The following FBXW11 variants were observed in gnomAD, a reference collection of about 807,000 sequenced individuals.
FBXW11 encodes F-box/WD repeat-containing protein 11.
In FBXW11, 19 loss-of-function variants were observed where a neutral mutation model predicts 77.6. That is an observed-to-expected ratio of 0.24 (90% CI 0.17 to 0.36). FBXW11 has a LOEUF of 0.36. Among genes scored for constraint, FBXW11 ranks in the 10% least tolerant of loss-of-function variants. The probability of loss-of-function intolerance (pLI) is 1.00; values close to 1 mark genes in which losing one functional copy is unlikely to be tolerated. For missense variants in FBXW11, 334 were observed against 704.2 expected, an observed-to-expected ratio of 0.47 and a Z score of 5.95; for synonymous variants, 235 against 249.4, an observed-to-expected ratio of 0.94 and a Z score of 0.54.
At chr5:171,969,705 TTTG>T (rs144231228) in intron 1 of FBXW11, among the ~76,000 whole-genome samples, 3,678 of 152,284 alleles carry the variant, frequency 0.024, 82 homozygotes, top group African/African-American at 0.058. Flanking sequence ...AGCAGCTTTT[TTTG>T]TTTTTGTTTT....
rs150238940 is a variant in FBXW11, at chr5:171,890,629, G to A, written c.852+838C>T. On this transcript the variant is annotated intron_variant, in intron 7 of 13. Transcript: ENST00000517395. ...AGTAACCCCACTCCTCAGTTTTCACGCAATGAACTAAAAATTTATGTTCCC... is the reference window on the plus strand; with the variant it reads ...AGTAACCCCACTCCTCAGTTTTCACACAATGAACTAAAAATTTATGTTCCC... Among the ~76,000 whole-genome samples, 525 of 152,100 alleles carry A rather than the reference G, an allele frequency of 3.5e-3. 1 individual carries two copies. The highest frequency in any genetic ancestry group is 3.3e-3 in the Non-Finnish European group (226 of 67,990).
At chr5:171,925,618 C>A (rs142208843) in intron 2 of FBXW11, among the ~76,000 whole-genome samples, 45 of 152,282 alleles carry the variant, frequency 3.0e-4, no homozygotes, top group African/African-American at 8.9e-4. Flanking sequence ...GTAGCTGGGA[C>A]CACAGGTGCA....
At chr5:171,957,735 G>A (rs1445138720) in intron 1 of FBXW11, 37 bp from the exon 2 acceptor site, 1 of 1,558,994 alleles carries the variant, frequency 6.4e-7, no homozygotes, top group Non-Finnish European at 8.8e-7. Context: ...AGAAGAAGCA[G>A]TTAGAGGCCG....
intron 1 of FBXW11, among the ~76,000 whole-genome samples, chr5:172,006,226 G>A (rs1399565744): frequency 2.0e-5 from 3 of 152,230 alleles, no homozygotes; most frequent in African/African-American, 7.2e-5. Flanking sequence ...ACGGGACCAG[G>A]GGGAGGGGGA....
chr5:171,973,045 A>C (rs1028349059), intron 1 of FBXW11, among the ~76,000 whole-genome samples: 3 of 152,226 alleles, frequency 2.0e-5, no homozygotes, highest in Non-Finnish European at 4.4e-5. Flanking sequence ...ACTTGGAAAG[A>C]ATACAGAATA....
At chr5:171,964,237 A>G (rs780045109) in intron 1 of FBXW11, among the ~76,000 whole-genome samples, 2 of 152,206 alleles carry the variant, frequency 1.3e-5, no homozygotes, top group Non-Finnish European at 2.9e-5. Context: ...TTCTCCCCCC[A>G]CAAAACTTCC....
rs145762677 is a variant in FBXW11 at position 171,993,256 on chromosome 5, TG to T, written c.45+13201del. Among the ~76,000 whole-genome samples, 1,120 of 152,218 alleles carry T rather than the reference TG, an allele frequency of 7.4e-3. 21 individuals are homozygous for T. Among genetic ancestry groups the T allele is most frequent in the African/African-American group, 0.026 (1,080 of 41,514 alleles). On this transcript the variant is annotated intron_variant, in intron 1 of 13. Transcript: ENST00000517395. ...TTTGGCTTGAGTCTTCAGGTCTCTC[TG>T]ACTTGTTTGAAAAAATTAAACTAGC...
chr5:171,901,933 A>G (rs1760144437), intron 4 of FBXW11, among the ~76,000 whole-genome samples: 2 of 152,352 alleles, frequency 1.3e-5, no homozygotes, highest in South Asian at 4.1e-4. Flanking sequence ...TAAGGCAAAC[A>G]TGTTAAACCA....
At chr5:171,953,089 C>A (rs1763430350) in intron 2 of FBXW11, among the ~76,000 whole-genome samples, 1 of 152,154 alleles carries the variant, frequency 6.6e-6, no homozygotes, top group African/African-American at 2.4e-5. Context: ...CCAACCTCAG[C>A]TCCCAGAGTA....
intron 2 of FBXW11, among the ~76,000 whole-genome samples, chr5:171,923,455 A>G (rs756267348): frequency 6.6e-6 from 1 of 152,182 alleles, no homozygotes; most frequent in Non-Finnish European, 1.5e-5. Context: ...CTTGCTCAAG[A>G]AATCTTTTTT....
chr5:171,881,021 A>G (rs1396942361), intron 7 of FBXW11, among the ~76,000 whole-genome samples: 1 of 152,202 alleles, frequency 6.6e-6, no homozygotes, highest in Admixed American at 6.5e-5. Context: ...TTAATTTCAC[A>G]TTCCACTTGT....
intron 1 of FBXW11, among the ~76,000 whole-genome samples, chr5:172,002,696 C>CTTTTTTT (rs34300477): frequency 3.3e-3 from 324 of 97,042 alleles, no homozygotes; most frequent in Middle Eastern, 8.1e-3. Flanking sequence ...TTTTTCTTTT[C>CTTTTTTT]TTTTTTTTTT....
chr5:171,912,784 C>A (rs1439161535), intron 3 of FBXW11, among the ~76,000 whole-genome samples: 2 of 151,954 alleles, frequency 1.3e-5, no homozygotes, highest in Non-Finnish European at 2.9e-5. Context: ...GTGGTGGGCG[C>A]CTGTAATCCC....
chr5:171,912,357 A>G (rs1760934466), intron 3 of FBXW11, among the ~76,000 whole-genome samples: 2 of 152,200 alleles, frequency 1.3e-5, no homozygotes, highest in African/African-American at 4.8e-5. Context: ...AGGATTTTGA[A>G]ATTTTGCTTT....
intron 2 of FBXW11, among the ~76,000 whole-genome samples, chr5:171,920,985 A>T (rs778526407): frequency 1.3e-5 from 2 of 152,214 alleles, no homozygotes; most frequent in Non-Finnish European, 2.9e-5. Context: ...ACAAACAAAA[A>T]AATCCCACAA....
chr5:171,934,662 G>C (rs1465080279), intron 2 of FBXW11, among the ~76,000 whole-genome samples: 6 of 145,900 alleles, frequency 4.1e-5, no homozygotes, highest in Non-Finnish European at 7.5e-5. Context: ...GGGTGACAGA[G>C]TGTGACCCTG....
chr5:171,944,717 G>A (rs1300382725), intron 2 of FBXW11, among the ~76,000 whole-genome samples: 1 of 151,154 alleles, frequency 6.6e-6, no homozygotes, highest in Non-Finnish European at 1.5e-5. Context: ...ACAATCAAAA[G>A]AGAACTTTTT....
chr5:171,910,835 G>T, intron 3 of FBXW11, 38 bp from the exon 4 acceptor site: 1 of 1,355,106 alleles, frequency 7.4e-7, no homozygotes, highest in Non-Finnish European at 1.0e-6. Context: ...AGTTTAACAA[G>T]GAAAGAAACC....
At chr5:171,930,762 T>TAAAAAAAAAAA (rs59700625) in intron 2 of FBXW11, among the ~76,000 whole-genome samples, 1 of 126,530 alleles carries the variant, frequency 7.9e-6, no homozygotes, top group Non-Finnish European at 1.7e-5. Context: ...AATAAAAAAA[T>TAAAAAAAAAAA]AAAAAAAAAA....
Sources: gnomAD v4.1 joint callset for allele counts (sites outside exome capture counted in the v4.1 genomes callset) on GRCh38, gnomAD v4.1.1 for gene constraint, MANE v1.5 for transcripts, NCBI Gene and HGNC (gene_info 2026-07-23, HGNC 2026-07-21) for gene names.